The following C12orf42 variants were observed in gnomAD, a reference collection of about 807,000 sequenced individuals.
C12orf42 encodes chromosome 12 open reading frame 42.
Under a neutral mutation model 21.6 loss-of-function variants are expected in C12orf42, and 25 were observed. The ratio of observed to expected loss-of-function variants is 1.16; its 90% CI spans 0.84 to 1.62. The LOEUF is 1.62. Among genes scored for constraint, C12orf42 ranks in the 40% most tolerant of loss-of-function variants. The pLI, the probability that C12orf42 is intolerant of heterozygous loss-of-function variation, is 0.00. For missense variants in C12orf42, 483 were observed against 459.3 expected (o/e 1.05, Z -0.47); for synonymous variants, 174 against 175.0 (o/e 0.99, Z 0.05).
chr12:103,308,302 A>G (rs1389348101), intron 4 of C12orf42, among the ~76,000 whole-genome samples: 1 of 152,218 alleles, frequency 6.6e-6, no homozygotes, highest in Non-Finnish European at 1.5e-5. Context: ...TTTGATTTTT[A>G]AGAGGCAAAG....
chr12:103,056,743 TC>T, the C12orf42 span, among the ~76,000 whole-genome samples: 87 of 152,254 alleles, frequency 5.7e-4, no homozygotes, highest in African/African-American at 1.9e-3. Flanking sequence ...GTTGGACACA[TC>T]CGTTGAGTTT....
chr12:103,166,099 A>AG, the C12orf42 span, among the ~76,000 whole-genome samples: 141 of 152,212 alleles, frequency 9.3e-4, no homozygotes, highest in Middle Eastern at 6.8e-3. Context: ...GAAGGAAGGA[A>AG]GAAACCACAA....
chr12:103,146,560 A>AAAAGAAAGAAAGAAAGAAAGAAAG, the C12orf42 span, among the ~76,000 whole-genome samples: 9 of 119,952 alleles, frequency 7.5e-5, no homozygotes, highest in East Asian at 2.4e-4. Flanking sequence ...ATAAAGAAAG[A>AAAAGAAAGAAAGAAAGAAAGAAAG]AAAGAAAGAA....
chr12:103,059,408 G>T, the C12orf42 span, among the ~76,000 whole-genome samples: 1 of 152,134 alleles, frequency 6.6e-6, no homozygotes, highest in East Asian at 1.9e-4. Context: ...AAAAAGAGGA[G>T]CTGGTACCAT....
chr12:103,232,875 AAAT>A (rs1325385007), downstream of C12orf42, among the ~76,000 whole-genome samples: 1 of 152,122 alleles, frequency 6.6e-6, no homozygotes, highest in Non-Finnish European at 1.5e-5. Flanking sequence ...TCTTTCTTTA[AAAT>A]AATATTTCGA....
intron 3 of C12orf42, among the ~76,000 whole-genome samples, chr12:103,389,984 A>C (rs1768220798): frequency 6.6e-6 from 1 of 152,126 alleles, no homozygotes; most frequent in South Asian, 2.1e-4. Context: ...AGAATATCTT[A>C]ATTTCACTTC....
chr12:103,087,346 GC>G, the C12orf42 span, among the ~76,000 whole-genome samples: 1 of 152,160 alleles, frequency 6.6e-6, no homozygotes, highest in Non-Finnish European at 1.5e-5. Context: ...AAAAACACCA[GC>G]TACTCTGAGT....
chr12:103,062,421 A>G, the C12orf42 span, among the ~76,000 whole-genome samples: 1 of 151,872 alleles, frequency 6.6e-6, no homozygotes, highest in Non-Finnish European at 1.5e-5. Context: ...ACTAAATTCT[A>G]TATCAATAAA....
intron 2 of C12orf42, among the ~76,000 whole-genome samples, chr12:103,443,669 T>C (rs1469759701): frequency 6.6e-6 from 1 of 152,158 alleles, no homozygotes; most frequent in Non-Finnish European, 1.5e-5. Context: ...AATTAAATGT[T>C]GAAGTCATTC....
the C12orf42 span, among the ~76,000 whole-genome samples, chr12:103,160,098 T>A: frequency 2.0e-5 from 3 of 152,164 alleles, no homozygotes; most frequent in Non-Finnish European, 2.9e-5. Context: ...TAACTGATAA[T>A]GAGCATTGCG....
At chr12:103,067,305 C>T in the C12orf42 span, among the ~76,000 whole-genome samples, 1 of 152,146 alleles carries the variant, frequency 6.6e-6, no homozygotes, top group Non-Finnish European at 1.5e-5. Context: ...ATAGCATTGC[C>T]CCTGACCAAA....
chr12:103,112,121 G>A, the C12orf42 span, among the ~76,000 whole-genome samples: 1 of 152,190 alleles, frequency 6.6e-6, no homozygotes, highest in Non-Finnish European at 1.5e-5. Flanking sequence ...GGGATCCACA[G>A]GGTTGTGTGC....
At chr12:103,328,352 G>A (rs1275299741) in intron 4 of C12orf42, among the ~76,000 whole-genome samples, 1 of 151,340 alleles carries the variant, frequency 6.6e-6, no homozygotes, top group African/African-American at 2.4e-5. Flanking sequence ...CAAGTTATAG[G>A]AACTGAGAGT....
chr12:103,485,258 G>C (rs1179250181), intron 1 of C12orf42, among the ~76,000 whole-genome samples: 1 of 152,240 alleles, frequency 6.6e-6, no homozygotes, highest in Non-Finnish European at 1.5e-5. Context: ...TTTGTGTCAG[G>C]TTTGTCAAAG....
At chr12:103,182,542 T>G in the C12orf42 span, among the ~76,000 whole-genome samples, 1 of 152,140 alleles carries the variant, frequency 6.6e-6, no homozygotes, top group Non-Finnish European at 1.5e-5. Context: ...AGGCAAGAAT[T>G]GGGTCAGAAA....
chr12:103,522,552 G>T, the C12orf42 span, among the ~76,000 whole-genome samples: 18 of 152,274 alleles, frequency 1.2e-4, no homozygotes, highest in South Asian at 3.7e-3. Context: ...AAACCTGGAA[G>T]GAAATGGGAG....
the C12orf42 span, chr12:103,162,760 C>CT: frequency 6.6e-6 from 1 of 152,156 alleles, no homozygotes; most frequent in East Asian, 1.9e-4. Flanking sequence ...ATTGAACCAC[C>CT]ATTCCAGACC....
At position 103,274,722 on chromosome 12, in the gene C12orf42, A is replaced by G. The variant is rs188496350; in HGVS notation, n.398+2428T>C. ...ATTTTCATATTTACTGAATAAATGA[A>G]TCCTTCTCAAGGTTCAGCACTTGTT... is the stretch of plus-strand genomic sequence containing the variant. On this transcript the variant is annotated intron_variant and non_coding_transcript_variant, in intron 5 of 6. Coordinates refer to the C12orf42 transcript ENST00000546526. Among the ~76,000 whole-genome samples, 376 of 152,332 alleles carry G rather than the reference A, an allele frequency of 2.5e-3. 2 individuals are homozygous for G. The highest frequency in any genetic ancestry group is 8.7e-3 in the African/African-American group (362 of 41,588).
intron 3 of C12orf42, among the ~76,000 whole-genome samples, chr12:103,377,432 G>A (rs1011688468): frequency 1.4e-4 from 21 of 151,882 alleles, no homozygotes; most frequent in African/African-American, 4.6e-4. Context: ...GTCCCTCACC[G>A]TCAGAATGGG....
Sources: gnomAD v4.1 joint callset for allele counts (sites outside exome capture counted in the v4.1 genomes callset) on GRCh38, gnomAD v4.1.1 for gene constraint, MANE v1.5 for transcripts, NCBI Gene and HGNC (gene_info 2026-07-23, HGNC 2026-07-21) for gene names.